TDRD7: variants seen among roughly 807,000 people sequenced by gnomAD.
TDRD7 encodes tudor domain-containing protein 7.
Under a neutral mutation model 109.8 loss-of-function variants are expected in TDRD7, and 47 were observed. The ratio of observed to expected loss-of-function variants is 0.43; its 90% CI spans 0.34 to 0.55. The LOEUF (loss-of-function observed/expected upper bound fraction) is 0.55, where lower values mean the gene tolerates loss of function less well. Ranked by LOEUF, TDRD7 falls within the 20% of genes least tolerant of loss-of-function variation. The pLI, the probability that TDRD7 is intolerant of heterozygous loss-of-function variation, is 0.03. For missense variants in TDRD7, 1,164 were observed against 1,319.2 expected (o/e 0.88, Z 1.82); for synonymous variants, 424 against 457.3 (o/e 0.93, Z 0.93).
chr9:97,463,380 G>GTTTTT (rs1179946909), intron 7 of TDRD7, among the ~76,000 whole-genome samples: 1 of 125,696 alleles, frequency 8.0e-6, no homozygotes, highest in African/African-American at 2.9e-5. Context: ...TCTGAGTTTT[G>GTTTTT]TTTTTTTTTT....
At chr9:97,420,313 G>T (rs1827877479) in intron 1 of TDRD7, among the ~76,000 whole-genome samples, 1 of 132,320 alleles carries the variant, frequency 7.6e-6, no homozygotes, top group East Asian at 2.4e-4. Context: ...GTGTGTGTAT[G>T]AACCAGAGAG....
At chr9:97,448,657 A>G (rs1321508177) in intron 6 of TDRD7, among the ~76,000 whole-genome samples, 1 of 152,220 alleles carries the variant, frequency 6.6e-6, no homozygotes, top group Non-Finnish European at 1.5e-5. Flanking sequence ...TTTTGAGCTC[A>G]TAACCATTAT....
chr9:97,460,895 A>C, intron 7 of TDRD7, 131 bp downstream of exon 7: 1 of 845,164 alleles, frequency 1.2e-6, no homozygotes, highest in Non-Finnish European at 1.9e-6. Flanking sequence ...TAATCCCAGC[A>C]CTTTGGGAGG....
chr9:97,424,351 C>T (rs941156150), intron 1 of TDRD7, among the ~76,000 whole-genome samples: 2 of 152,040 alleles, frequency 1.3e-5, no homozygotes, highest in East Asian at 1.9e-4. Context: ...CCACCACACC[C>T]GGCCAGCTCT....
intron 1 of TDRD7, among the ~76,000 whole-genome samples, chr9:97,415,388 C>T (rs759038960): frequency 9.9e-5 from 15 of 152,092 alleles, no homozygotes; most frequent in Non-Finnish European, 1.8e-4. Context: ...TGGTAGAAGG[C>T]GTTTATCTGG....
At chr9:97,461,187 G>A (rs920830911) in intron 7 of TDRD7, among the ~76,000 whole-genome samples, 1 of 151,560 alleles carries the variant, frequency 6.6e-6, no homozygotes. Flanking sequence ...TAGAGTTATA[G>A]TGAGGCTTAA....
rs150592577 is a variant in TDRD7 at position 97,451,058 on chromosome 9, G to A, written c.856-9120G>A. Reference sequence around the variant, plus strand: ...GGGAAGGTAGAGGGCCTAAAGATTAGGTTGATCGCCAGTGGCCAATGACTT... The same window carrying A: ...GGGAAGGTAGAGGGCCTAAAGATTAAGTTGATCGCCAGTGGCCAATGACTT... On this transcript the variant is annotated intron_variant, in intron 6 of 16. Transcript: ENST00000355295. Among the ~76,000 whole-genome samples, 44 of 152,116 alleles carry A rather than the reference G, an allele frequency of 2.9e-4. No individual in the cohort carries two copies. In the East Asian group the frequency reaches 8.2e-3, roughly 28 times the overall value.
At chr9:97,457,746 G>C (rs556051987) in intron 6 of TDRD7, among the ~76,000 whole-genome samples, 1 of 152,274 alleles carries the variant, frequency 6.6e-6, no homozygotes, top group Non-Finnish European at 1.5e-5. Flanking sequence ...ATGCCCATCA[G>C]TGATAGACTA....
At chr9:97,415,218 A>G (rs747028716) in intron 1 of TDRD7, among the ~76,000 whole-genome samples, 1 of 152,248 alleles carries the variant, frequency 6.6e-6, no homozygotes, top group Non-Finnish European at 1.5e-5. Flanking sequence ...AGTAAGGAAG[A>G]TGAGCCAAAT....
intron 6 of TDRD7, among the ~76,000 whole-genome samples, chr9:97,448,244 C>T (rs1828433782): frequency 6.6e-6 from 1 of 152,184 alleles, no homozygotes; most frequent in Admixed American, 6.5e-5. Context: ...TACCTTCTGG[C>T]AGAGATGGCT....
intron 13 of TDRD7, 107 bp from the exon 14 acceptor site, chr9:97,480,721 C>T: frequency 1.1e-6 from 1 of 907,744 alleles, no homozygotes; most frequent in Non-Finnish European, 1.8e-6. Flanking sequence ...TTGTTGCTTG[C>T]TGTCTATCTT....
chr9:97,439,530 C>A (rs1828262697), intron 5 of TDRD7, among the ~76,000 whole-genome samples: 1 of 152,130 alleles, frequency 6.6e-6, no homozygotes, highest in Non-Finnish European at 1.5e-5. Context: ...TGACTTGAGG[C>A]CTTCCTCACC....
chr9:97,430,784 A>G (rs904055428), intron 2 of TDRD7, 149 bp from the exon 3 acceptor site: 2 of 890,110 alleles, frequency 2.2e-6, no homozygotes, highest in South Asian at 2.8e-5. Flanking sequence ...ATTTTCTTCT[A>G]GCATTATCAA....
intron 7 of TDRD7, among the ~76,000 whole-genome samples, chr9:97,463,707 G>A (rs936183453): frequency 1.3e-5 from 2 of 152,160 alleles, no homozygotes; most frequent in Admixed American, 1.3e-4. Flanking sequence ...GGAGACCCTG[G>A]ACGAAATCAT....
At chr9:97,419,185 C>G in intron 1 of TDRD7, among the ~76,000 whole-genome samples, 1 of 152,148 alleles carries the variant, frequency 6.6e-6, no homozygotes, top group South Asian at 2.1e-4. Context: ...TACAAAGATG[C>G]AAAGCCCAGT....
At chr9:97,485,221 C>T (rs920699826) in intron 15 of TDRD7, among the ~76,000 whole-genome samples, 1 of 152,174 alleles carries the variant, frequency 6.6e-6, no homozygotes, top group Admixed American at 6.5e-5. Context: ...ATAAGAACAA[C>T]TTGGAAAACC....
At position 97,483,084 on chromosome 9, in the gene TDRD7, A is replaced by G. The variant is rs748096747; in HGVS notation, c.2648A>G (p.Asp883Gly). Reference sequence around the variant, plus strand: ...GAGAATTTCAGAAAGAACCTCACAGATGTCATCAAAAAGTCCATGGTGGAC... The same window carrying G: ...GAGAATTTCAGAAAGAACCTCACAGGTGTCATCAAAAAGTCCATGGTGGAC... ...TGENFRKNLT[D>G]VIKKSMVDHT... Residue 883 changes from aspartate to glycine, a missense_variant, in exon 15 of 17, where the codon GAT (aspartate) becomes GGT (glycine). Physicochemically the swap from Asp to Gly is moderately conservative, Grantham distance 94 (BLOSUM62 -1). Around this residue, in one of 5 missense-constraint regions of TDRD7, gnomAD observed 233 missense variants for 218.0 expected, o/e 1.07. Transcript: ENST00000355295. 6.8e-6 allele frequency: 11 copies of G among 1,614,166 alleles called. No homozygotes were observed. Among genetic ancestry groups the G allele is most frequent in the Non-Finnish European group, 8.5e-6 (10 of 1,180,010 alleles).
chr9:97,424,539 T>G (rs1031593890), intron 1 of TDRD7, among the ~76,000 whole-genome samples: 1 of 152,208 alleles, frequency 6.6e-6, no homozygotes, highest in South Asian at 2.1e-4. Context: ...TGTTTTATCT[T>G]TCTGATGAAT....
In TDRD7 at chr9:97,430,995, A is replaced by G. The variant is rs1468190359; in HGVS notation, c.270A>G (p.Gln90=). ...GAATTGCTCAGCTTGTGGCTCGTCA[A>G]AGGAGTTCTAAAAGGAAAACCGGGC... ...TARIAQLVAR[Q]RSSKRKTGRQ... Residue 90 remains glutamine (Q), a synonymous_variant, in exon 3 of 17, where the codon CAA becomes CAG. Coordinates refer to ENST00000355295, the MANE Select transcript of TDRD7 (RefSeq NM_014290.3). 60 of 1,613,842 alleles carry G rather than the reference A, an allele frequency of 3.7e-5. No individual in the cohort carries two copies. The highest frequency in any genetic ancestry group is 4.8e-5 in the Non-Finnish European group (57 of 1,179,888).
Sources: allele counts gnomAD v4.1 joint callset (sites outside exome capture counted in the v4.1 genomes callset), GRCh38; gene constraint gnomAD v4.1.1; regional missense constraint gnomAD v4.1.1; transcripts MANE v1.5; gene names NCBI Gene and HGNC (gene_info 2026-07-23, HGNC 2026-07-21).